Variants in CACNA1S observed in about 807,000 individuals in gnomAD.
CACNA1S encodes the protein calcium voltage-gated channel subunit alpha1 S, also known as voltage-dependent L-type calcium channel subunit alpha-1S.
A neutral mutation model predicts 207.4 loss-of-function variants in CACNA1S; 126 were observed. The ratio of observed to expected loss-of-function variants is 0.61; its 90% CI spans 0.53 to 0.70. The LOEUF is 0.70. Among genes scored for constraint, CACNA1S ranks in the 30% least tolerant of loss-of-function variants. The probability of loss-of-function intolerance (pLI) is 0.00; values close to 1 mark genes in which losing one functional copy is unlikely to be tolerated. For synonymous variants in CACNA1S, 960 were observed against 932.7 expected (o/e 1.03, Z -0.53); for missense variants, 2,349 against 2,422.8 (o/e 0.97, Z 0.64).
intron 2 of CACNA1S, among the ~76,000 whole-genome samples, chr1:201,094,828 C>A: frequency 6.6e-6 from 1 of 152,100 alleles, no homozygotes; most frequent in East Asian, 1.9e-4. Context: ...GAAGGCCCGG[C>A]CGACACTCCA....
intron 15 of CACNA1S, 148 bp downstream of exon 15, chr1:201,073,401 C>A: frequency 1.3e-6 from 1 of 767,086 alleles, no homozygotes; most frequent in Non-Finnish European, 2.3e-6. Context: ...CTGGCTCTCC[C>A]TCCAGTCGTA....
chr1:201,093,886 G>T lies in CACNA1S; in HGVS notation c.394C>A (p.Leu132Met), dbSNP rs377030324. The change falls in exon 3 of 44, where the codon CTG (leucine) becomes ATG (methionine). Residue 132 changes from leucine (L) to methionine (M), a missense_variant. Leu to Met is a conservative substitution (Grantham distance 15). Coordinates refer to ENST00000362061, the MANE Select transcript of CACNA1S (RefSeq NM_000069.3). ...CTCCCCACACCCAGCTCTCACCCCAGGAAGACAATGGTGAAGTCCAGCACA... is the reference window on the plus strand; with the variant it reads ...CTCCCCACACCCAGCTCTCACCCCATGAAGACAATGGTGAAGTCCAGCACA... ...WNVLDFTIVF[L>M]GVFTVILEQV... 7.1e-4 allele frequency: 1,150 copies of T among 1,614,056 alleles called. 17 individuals carry two copies. In the South Asian group the frequency reaches 0.012, roughly 17 times the overall value.
chr1:201,074,742 G>T, intron 13 of CACNA1S, 122 bp from the exon 14 acceptor site: 1 of 731,626 alleles, frequency 1.4e-6, no homozygotes. Flanking sequence ...CCCATGGGAA[G>T]GTGTGGATCC....
At chr1:201,090,211 C>T (rs906598793) in intron 5 of CACNA1S, among the ~76,000 whole-genome samples, 5 of 152,148 alleles carry the variant, frequency 3.3e-5, no homozygotes, top group Non-Finnish European at 5.9e-5. Context: ...GGGCCCTGAC[C>T]CCATGAAGTC....
intron 3 of CACNA1S, among the ~76,000 whole-genome samples, chr1:201,092,867 G>A (rs1408368191): frequency 6.6e-6 from 1 of 152,190 alleles, no homozygotes; most frequent in African/African-American, 2.4e-5. Flanking sequence ...CGGAACTGAA[G>A]GACAGCATAC....
intron 7 of CACNA1S, among the ~76,000 whole-genome samples, chr1:201,087,063 T>C (rs1167494136): frequency 1.3e-5 from 2 of 152,194 alleles, no homozygotes; most frequent in Non-Finnish European, 2.9e-5. Context: ...AGAAGGCTGA[T>C]GGTGACTTCT....
In CACNA1S at chr1:201,053,176, C is replaced by T. The variant is rs1248345942; in HGVS notation, c.3861+33G>A. 1.5e-5 allele frequency: 25 copies of T among 1,613,420 alleles called. No individual in the cohort carries two copies. The highest frequency in any genetic ancestry group is 1.5e-4 in the African/African-American group (11 of 75,048). Reference sequence around the variant, plus strand: ...ATGCCCCCTCTAACTTGGCCAAGATCCATGCTTTGGCCTGGGCCCGCCTGC... The same window carrying T: ...ATGCCCCCTCTAACTTGGCCAAGATTCATGCTTTGGCCTGGGCCCGCCTGC... On this transcript the variant is annotated intron_variant, in intron 31 of 43. Transcript: ENST00000362061. This position sits in a 1 kb window ranked among gnomAD's most constrained non-coding sequence, Gnocchi z 5.1.
Position 201,077,929 on chromosome 1 carries a change from G to A in CACNA1S, c.1569C>T (p.Gly523=). The change falls in exon 11 of 44, where the codon GGC becomes GGT. Residue 523 remains glycine (G), a synonymous_variant. Coordinates refer to ENST00000362061, the MANE Select transcript of CACNA1S (RefSeq NM_000069.3). ...LVESGAMTPL[G]ISVLRCIRLL... ...GGCGGATGCAGCGGAGCACGGAGAT[G>A]CCCAGGGGTGTCATGGCACCCGACT... 6.2e-7 allele frequency: 1 copy of A among 1,614,112 alleles called. No homozygotes were observed. Among genetic ancestry groups the A allele is most frequent in the Non-Finnish European group, 8.5e-7 (1 of 1,179,956 alleles).
At chr1:201,059,613 C>A (rs1018750844) in intron 26 of CACNA1S, among the ~76,000 whole-genome samples, 1 of 152,238 alleles carries the variant, frequency 6.6e-6, no homozygotes, top group Non-Finnish European at 1.5e-5. Context: ...ATTTACATAT[C>A]TGCTTTGGGA....
At chr1:201,102,041 C>T (rs1662690026) in intron 2 of CACNA1S, among the ~76,000 whole-genome samples, 1 of 152,232 alleles carries the variant, frequency 6.6e-6, no homozygotes, top group Admixed American at 6.5e-5. Flanking sequence ...TGGGAGTAAA[C>T]TCTAGATAAG....
intron 28 of CACNA1S, 147 bp downstream of exon 28, chr1:201,058,261 G>A: frequency 1.3e-6 from 1 of 740,900 alleles, no homozygotes; most frequent in Non-Finnish European, 2.4e-6. Flanking sequence ...ATAGTTCCTT[G>A]AGGGCAGAAG....
intron 2 of CACNA1S, among the ~76,000 whole-genome samples, chr1:201,101,402 C>A (rs576368846): frequency 6.6e-6 from 1 of 152,312 alleles, no homozygotes; most frequent in South Asian, 2.1e-4. Flanking sequence ...ACTTCCAGGG[C>A]CTTCTGAGAT....
At chr1:201,064,694 A>G (rs757235860) in intron 22 of CACNA1S, among the ~76,000 whole-genome samples, 1 of 152,208 alleles carries the variant, frequency 6.6e-6, no homozygotes, top group Non-Finnish European at 1.5e-5. Context: ...TTAGGAATCA[A>G]TTTCTCTGTC....
At chr1:201,083,357 G>A in intron 9 of CACNA1S, 35 bp from the exon 10 acceptor site, 1 of 1,611,500 alleles carries the variant, frequency 6.2e-7, no homozygotes, top group Non-Finnish European at 8.5e-7. Context: ...CTACAGTGCT[G>A]TGCTGTTCTA....
In CACNA1S at chr1:201,092,002, T is replaced by C. The variant is rs1237228515; in HGVS notation, c.511A>G (p.Arg171Gly). The change falls in exon 4 of 44, where the codon AGA becomes GGA. Residue 171 changes from arginine (R) to glycine (G), a missense_variant. Transcript: ENST00000362061. ...VKALRAFRVL[R>G]PLRLVSGVPS... ...ACCCCCGACACCAGCCGGAGGGGTC[T>C]GAGCACTCGGAAGGCTCTGAGGGCC... 1 of 1,614,150 alleles carries C rather than the reference T, an allele frequency of 6.2e-7. No homozygotes were observed. The highest frequency in any genetic ancestry group is 1.1e-5 in the South Asian group (1 of 91,076).
intron 1 of CACNA1S, among the ~76,000 whole-genome samples, chr1:201,111,107 G>A (rs967643758): frequency 1.3e-5 from 2 of 152,140 alleles, no homozygotes; most frequent in Non-Finnish European, 2.9e-5. Flanking sequence ...AACCCACAGA[G>A]TAAACCTGAT....
intron 18 of CACNA1S, 83 bp from the exon 19 acceptor site, chr1:201,069,279 CA>C (rs2102130828): frequency 6.8e-7 from 1 of 1,464,118 alleles, no homozygotes; most frequent in East Asian, 2.3e-5. Flanking sequence ...ATAAAGCAGG[CA>C]GTCAGAGCCA....
Position 201,061,970 on chromosome 1 carries a change from C to T in CACNA1S, c.3027G>A (p.Thr1009=), listed in dbSNP as rs371818752. The stretch of plus-strand genomic sequence containing the variant: ...GAGGCCATCCCTCGAAGGTGGAGAC[C>T]GTGAAGAGGGACATCATGGCTGAGA... ...NVLSAMMSLF[T]VSTFEGWPQL... is the part of the protein sequence containing the mutation. Residue 1009 remains threonine (T), a synonymous_variant, in exon 24 of 44, where the codon ACG becomes ACA. Transcript: ENST00000362061. 4.4e-5 allele frequency: 71 copies of T among 1,614,198 alleles called. No individual in the cohort carries two copies. The South Asian group carries it at 4.9e-4, about 11-fold the overall frequency.
chr1:201,092,233 C>T (rs747531969), intron 3 of CACNA1S, 119 bp from the exon 4 acceptor site: 70 of 992,654 alleles, frequency 7.1e-5, no homozygotes, highest in Middle Eastern at 4.3e-4. Context: ...AGGGGAGAGA[C>T]GGCAAATACG....
Sources: gnomAD v4.1 joint callset for allele counts (sites outside exome capture counted in the v4.1 genomes callset) on GRCh38, gnomAD v4.1.1 for gene constraint, Gnocchi (gnomAD v3.1) non-coding constraint, MANE v1.5 for transcripts, NCBI Gene and HGNC (gene_info 2026-07-23, HGNC 2026-07-21) for gene names.